DYRK4: variants seen among roughly 807,000 people sequenced by gnomAD.
DYRK4 encodes the protein dual specificity tyrosine-phosphorylation-regulated kinase 4.
DYRK4 carries 64 observed loss-of-function variants against 68.3 expected under a neutral mutation model. The observed-to-expected ratio is 0.94, with a 90% CI of 0.77 to 1.15. The LOEUF (loss-of-function observed/expected upper bound fraction) is 1.15. DYRK4 is among the 50% of genes most tolerant of loss of function. The pLI is 0.00. For missense variants in DYRK4, 740 were observed against 764.7 expected, an observed-to-expected ratio of 0.97 and a Z score of 0.38; for synonymous variants, 274 against 289.9, an observed-to-expected ratio of 0.95 and a Z score of 0.56.
intron 6 of DYRK4, among the ~76,000 whole-genome samples, chr12:4,595,293 C>G (rs1160163444): frequency 6.6e-6 from 1 of 152,242 alleles, no homozygotes; most frequent in Admixed American, 6.5e-5. Context: ...TGCACAAACA[C>G]TTAATCCTTC....
intron 2 of DYRK4, among the ~76,000 whole-genome samples, chr12:4,568,637 C>T (rs1297347725): frequency 5.9e-5 from 9 of 152,314 alleles, no homozygotes; most frequent in Non-Finnish European, 1.2e-4. Flanking sequence ...CTGCCCGCCT[C>T]GGCCTCCCAA....
chr12:4,605,434 G>A (rs1945133346), intron 11 of DYRK4, among the ~76,000 whole-genome samples: 1 of 152,128 alleles, frequency 6.6e-6, no homozygotes, highest in Non-Finnish European at 1.5e-5. Flanking sequence ...TATGTGAACA[G>A]GTTCTTAAGA....
intron 1 of DYRK4, among the ~76,000 whole-genome samples, chr12:4,566,463 C>A (rs1226233149): frequency 2.0e-5 from 3 of 152,238 alleles, no homozygotes; most frequent in Non-Finnish European, 2.9e-5. Flanking sequence ...GCTCATTCTT[C>A]AGAGATGGTT....
intron 10 of DYRK4, chr12:4,603,238 G>T: frequency 2.0e-6 from 2 of 997,062 alleles, no homozygotes; most frequent in Non-Finnish European, 3.2e-6. Flanking sequence ...GCTGTTTGCT[G>T]TGTTCTATTA....
chr12:4,602,955 C>G (rs1826073281), intron 10 of DYRK4: 2 of 852,386 alleles, frequency 2.3e-6, no homozygotes, highest in South Asian at 1.6e-5. Flanking sequence ...ACTAATTTGT[C>G]CTTGAGCTTA....
chr12:4,609,306 G>A (rs1214213035), intron 12 of DYRK4, among the ~76,000 whole-genome samples: 1 of 152,194 alleles, frequency 6.6e-6, no homozygotes, highest in African/African-American at 2.4e-5. Flanking sequence ...GCAAAAAAGC[G>A]AATTCCTGTG....
chr12:4,564,587 G>A (rs1944658635), intron 1 of DYRK4: 1 of 152,198 alleles, frequency 6.6e-6, no homozygotes, highest in Admixed American at 6.5e-5. Context: ...ATACTATGCA[G>A]TGCAGTAAGG....
At chr12:4,603,539 T>C (rs527496184) in intron 10 of DYRK4, 2 of 205,394 alleles carry the variant, frequency 9.7e-6, no homozygotes, top group Non-Finnish European at 2.0e-5. Context: ...CCAGGGGAGT[T>C]CTCCTCTCCT....
At chr12:4,599,381 C>A (rs767475986) in intron 9 of DYRK4, among the ~76,000 whole-genome samples, 2 of 149,804 alleles carry the variant, frequency 1.3e-5, no homozygotes, top group African/African-American at 4.9e-5. Context: ...TAAGGCCGTG[C>A]AAGCAAGGCC....
intron 3 of DYRK4, 34 bp from the exon 4 acceptor site, chr12:4,590,296 G>A (rs1384410958): frequency 1.8e-4 from 279 of 1,519,668 alleles, no homozygotes; most frequent in Non-Finnish European, 7.8e-5. Flanking sequence ...CTTGCCTAAG[G>A]CTTTTGTAAC....
At chr12:4,571,654 A>G (rs1357578944) in intron 2 of DYRK4, among the ~76,000 whole-genome samples, 2 of 152,192 alleles carry the variant, frequency 1.3e-5, no homozygotes, top group Non-Finnish European at 2.9e-5. Flanking sequence ...ATGCCAATTA[A>G]TACCTCAATA....
chr12:4,602,207 C>T (rs1007798901), intron 10 of DYRK4: 9 of 906,220 alleles, frequency 9.9e-6, no homozygotes, highest in Non-Finnish European at 1.6e-5. Flanking sequence ...CTGTTCATGT[C>T]TTCAATCTGC....
chr12:4,589,005 A>G lies in DYRK4; in HGVS notation c.201A>G (p.Gln67=). 1 of 1,536,102 alleles carries G rather than the reference A, an allele frequency of 6.5e-7. No individual in the cohort carries two copies. Among genetic ancestry groups the G allele is most frequent in the Non-Finnish European group, 8.7e-7 (1 of 1,146,906 alleles). The change falls in exon 3 of 15, where the codon CAA becomes CAG. Residue 67 remains glutamine, a synonymous_variant. Transcript: ENST00000543431. The stretch of plus-strand genomic sequence containing the variant: ...ATATCAAGAACTCCAGAATGACCCA[A>G]GTCTTTCATAAGGTAGGGAGTGATG... ...PSNIKNSRMT[Q]VFHKNTSVTS... is the part of the protein sequence containing the mutation.
intron 10 of DYRK4, chr12:4,602,853 A>G (rs2137390670): frequency 8.7e-7 from 1 of 1,152,174 alleles, no homozygotes; most frequent in South Asian, 1.2e-5. Context: ...TTGGAAATAC[A>G]TCACTGTGAC....
intron 2 of DYRK4, chr12:4,580,775 T>G (rs1565534554): frequency 8.9e-6 from 4 of 451,642 alleles, no homozygotes; most frequent in Non-Finnish European, 1.8e-5. Flanking sequence ...CATTTGCCCA[T>G]CCAACCACCA....
chr12:4,568,176 A>G, intron 2 of DYRK4, 128 bp downstream of exon 2: 2 of 861,588 alleles, frequency 2.3e-6, no homozygotes, highest in South Asian at 3.5e-5. Context: ...GGTGTGGAGG[A>G]TCATGCTGAT....
At chr12:4,588,354 T>C (rs1291007020) in intron 2 of DYRK4, among the ~76,000 whole-genome samples, 1 of 152,256 alleles carries the variant, frequency 6.6e-6, no homozygotes, top group African/African-American at 2.4e-5. Flanking sequence ...TAGATAGCTC[T>C]TTATCTGCGT....
intron 11 of DYRK4, among the ~76,000 whole-genome samples, chr12:4,606,229 T>C (rs1945148020): frequency 1.3e-5 from 2 of 152,206 alleles, no homozygotes; most frequent in African/African-American, 4.8e-5. Flanking sequence ...AAATTTTACA[T>C]TTTAGGATTT....
At chr12:4,610,860 T>G (rs886545270) in intron 13 of DYRK4, among the ~76,000 whole-genome samples, 14 of 152,218 alleles carry the variant, frequency 9.2e-5, no homozygotes, top group African/African-American at 2.7e-4. Flanking sequence ...GATCTGTACT[T>G]AAGTCGTAGT....
Sources: gnomAD v4.1 joint callset for allele counts (sites outside exome capture counted in the v4.1 genomes callset) on GRCh38, gnomAD v4.1.1 for gene constraint, MANE v1.5 for transcripts, NCBI Gene and HGNC (gene_info 2026-07-23, HGNC 2026-07-21) for gene names.